Variants in REEP1 observed in about 807,000 individuals in gnomAD.
REEP1 encodes receptor expression-enhancing protein 1.
In REEP1, 22 loss-of-function variants were observed where a neutral mutation model predicts 40.3. The observed-to-expected ratio is 0.55, with a 90% CI of 0.39 to 0.78. REEP1 has a LOEUF of 0.78. Among genes scored for constraint, REEP1 ranks in the 30% least tolerant of loss-of-function variants. REEP1 has a pLI of 0.00. For synonymous variants in REEP1, 116 were observed against 139.2 expected, an observed-to-expected ratio of 0.83 and a Z score of 1.17; for missense variants, 280 against 361.1, an observed-to-expected ratio of 0.78 and a Z score of 1.82.
At chr2:86,240,563 C>G (rs765502619) in intron 5 of REEP1, among the ~76,000 whole-genome samples, 9 of 152,082 alleles carry the variant, frequency 5.9e-5, no homozygotes, top group Non-Finnish European at 1.0e-4. Context: ...CCAAGGTGCA[C>G]CTGGGAAACG....
intron 6 of REEP1, among the ~76,000 whole-genome samples, chr2:86,231,711 C>CA (rs1675026994): frequency 6.6e-6 from 1 of 152,156 alleles, no homozygotes; most frequent in Non-Finnish European, 1.5e-5. Flanking sequence ...CCCACCCCCC[C>CA]ACCATCAGTC....
rs143060817 is a variant in REEP1 at position 86,276,468 on chromosome 2, C to A, written c.105+5702G>T. Among the ~76,000 whole-genome samples the A allele has an allele frequency of 1.8e-4, 27 of 152,332 alleles. No individual in the cohort carries two copies. In the East Asian group the frequency reaches 5.2e-3, roughly 29 times the overall value. ...AATACTGCTTCTCATCAAGGACCCTCCTTTATAGCAAAAGAAATAAGGCAA... is the reference window on the plus strand; with the variant it reads ...AATACTGCTTCTCATCAAGGACCCTACTTTATAGCAAAAGAAATAAGGCAA... On this transcript the variant is annotated intron_variant, in intron 2 of 8. Coordinates refer to ENST00000538924, the MANE Select transcript of REEP1 (RefSeq NM_001371279.1).
At position 86,217,447 on chromosome 2, in the gene REEP1, C is replaced by T. The variant is rs1016787540; in HGVS notation, c.784-337G>A. Among the ~76,000 whole-genome samples, 16 of 152,176 alleles carry T rather than the reference C, an allele frequency of 1.1e-4. 1 individual carries two copies. Among genetic ancestry groups the T allele is most frequent in the South Asian group, 4.1e-4 (2 of 4,830 alleles). ...ATGATTCAGCAGAAAGAGACACCTC[C>T]GCATGCTTCCTTTGCTTTTGTTATT... On this transcript the variant is annotated intron_variant, in intron 8 of 8. Coordinates refer to ENST00000538924, the MANE Select transcript of REEP1 (RefSeq NM_001371279.1).
intron 1 of REEP1, among the ~76,000 whole-genome samples, chr2:86,328,429 T>C (rs896187978): frequency 1.3e-5 from 2 of 152,160 alleles, no homozygotes; most frequent in African/African-American, 4.8e-5. Context: ...TGCCTGTAAT[T>C]CCAGCACTTT....
At chr2:86,314,990 A>G (rs6746198) in intron 1 of REEP1, among the ~76,000 whole-genome samples, 94,539 of 151,758 alleles carry the variant, frequency 0.62, 30,558 homozygotes, top group African/African-American at 0.81. Flanking sequence ...ACTGTGCCCG[A>G]CCTGGAGGCA....
At chr2:86,318,858 A>T (rs1019645084) in intron 1 of REEP1, among the ~76,000 whole-genome samples, 1 of 152,216 alleles carries the variant, frequency 6.6e-6, no homozygotes, top group African/African-American at 2.4e-5. Context: ...GATGGAGCGG[A>T]TGTGCCAAGG....
intron 1 of REEP1, among the ~76,000 whole-genome samples, chr2:86,335,798 G>A (rs1452936429): frequency 2.7e-5 from 4 of 149,010 alleles, no homozygotes; most frequent in Non-Finnish European, 5.9e-5. Context: ...TCAGTGAGCC[G>A]AGACTGTGCC....
intron 3 of REEP1, among the ~76,000 whole-genome samples, chr2:86,262,942 AT>A (rs1676942573): frequency 6.6e-6 from 1 of 152,232 alleles, no homozygotes; most frequent in Non-Finnish European, 1.5e-5. Context: ...TTGTTTTTTA[AT>A]TGCTTCATTG....
In REEP1 at chr2:86,214,148, C is replaced by G. The variant is rs1428604956; in HGVS notation, c.*2891G>C. 1.3e-5 allele frequency: 2 copies of G among 154,614 alleles called. No homozygotes were observed. Among genetic ancestry groups the G allele is most frequent in the South Asian group, 2.0e-4 (1 of 4,974 alleles). 9.6% of individuals were successfully genotyped at this position (154,614 alleles called of 1,614,324 possible). On this transcript the variant is annotated 3_prime_UTR_variant, in exon 9 of 9. Coordinates refer to ENST00000538924, the MANE Select transcript of REEP1 (RefSeq NM_001371279.1). ...ATTACAGATCATTCTATAGGGACTA[C>G]AGACATGAACTAGAGGAAATGTGCA...
chr2:86,247,540 A>T (rs1434459770), intron 5 of REEP1, among the ~76,000 whole-genome samples: 1 of 147,682 alleles, frequency 6.8e-6, no homozygotes, highest in Admixed American at 6.9e-5. Context: ...ATAAACAAAA[A>T]TTAATAAGAA....
intron 8 of REEP1, among the ~76,000 whole-genome samples, chr2:86,218,770 GT>G (rs1385999072): frequency 6.6e-6 from 1 of 152,218 alleles, no homozygotes; most frequent in Non-Finnish European, 1.5e-5. Flanking sequence ...AGGGATGCAT[GT>G]GTGCCTCACC....
At chr2:86,306,614 G>A (rs1352608271) in intron 1 of REEP1, among the ~76,000 whole-genome samples, 1 of 152,158 alleles carries the variant, frequency 6.6e-6, no homozygotes, top group Non-Finnish European at 1.5e-5. Flanking sequence ...CTTATCAAAT[G>A]AAAGAACAAA....
chr2:86,277,504 C>T lies in REEP1; in HGVS notation c.105+4666G>A, dbSNP rs200939009. On this transcript the variant is annotated intron_variant, in intron 2 of 8. Transcript: ENST00000538924. ...CCAGGAGGCAGAGGTTGCAGTGAGC[C>T]GAGATCGTGCCACTGCACTCCAGCC... Among the ~76,000 whole-genome samples, 44 of 150,222 alleles carry T rather than the reference C, an allele frequency of 2.9e-4. 1 individual carries two copies. In the East Asian group the frequency reaches 7.3e-3, roughly 25 times the overall value.
intron 2 of REEP1, among the ~76,000 whole-genome samples, chr2:86,266,050 C>T (rs7590345): frequency 0.019 from 2,958 of 152,038 alleles, 91 homozygotes; most frequent in African/African-American, 0.067. Context: ...AAATATAATC[C>T]ATGGTTAGGA....
At chr2:86,274,544 T>G (rs1487945076) in intron 2 of REEP1, among the ~76,000 whole-genome samples, 1 of 152,206 alleles carries the variant, frequency 6.6e-6, no homozygotes, top group Non-Finnish European at 1.5e-5. Context: ...CTAAAATTAC[T>G]AGGAAATGGT....
chr2:86,310,596 C>T (rs747859154), intron 1 of REEP1, among the ~76,000 whole-genome samples: 1 of 152,186 alleles, frequency 6.6e-6, no homozygotes, highest in Non-Finnish European at 1.5e-5. Flanking sequence ...GGGGCCAGAG[C>T]ATGCTTTCCA....
chr2:86,280,043 C>A (rs762026794), intron 2 of REEP1: 3 of 456,126 alleles, frequency 6.6e-6, no homozygotes, highest in African/African-American at 4.0e-5. Flanking sequence ...ATTATTCAGG[C>A]GACAGGGATG....
intron 2 of REEP1, among the ~76,000 whole-genome samples, chr2:86,265,745 T>C (rs1377357257): frequency 6.6e-6 from 1 of 152,072 alleles, no homozygotes; most frequent in African/African-American, 2.4e-5. Flanking sequence ...TGTGTACACA[T>C]GGACATAGAG....
At position 86,214,760 on chromosome 2, in the gene REEP1, G is replaced by C. The variant is rs1347951847; in HGVS notation, c.*2279C>G. On this transcript the variant is annotated 3_prime_UTR_variant, in exon 9 of 9. Transcript: ENST00000538924. ...CTAGTCAACACTTGAAGGAAAAATA[G>C]TTACATTTACATTAAGACAGAGTTT... 1 of 152,626 alleles carries C rather than the reference G, an allele frequency of 6.6e-6. No homozygotes were observed. Among genetic ancestry groups the C allele is most frequent in the African/African-American group, 2.4e-5 (1 of 41,438 alleles). The allele number at this position is 152,626 out of a possible 1,614,324, so 9.5% of individuals were successfully genotyped here. A position where few individuals can be genotyped will look rare whatever the true frequency, so the allele number is the denominator to read the frequency against.
Sources: allele counts gnomAD v4.1 joint callset (sites outside exome capture counted in the v4.1 genomes callset), GRCh38; gene constraint gnomAD v4.1.1; transcripts MANE v1.5; gene names NCBI Gene and HGNC (gene_info 2026-07-23, HGNC 2026-07-21).